The following USP34 variants were observed in gnomAD, a reference collection of about 807,000 sequenced individuals.
The protein encoded by USP34 is ubiquitin specific peptidase 34.
In USP34, 70 loss-of-function variants were observed where a neutral mutation model predicts 460.3. That is an observed-to-expected ratio of 0.15 (90% CI 0.13 to 0.19). The LOEUF is 0.19. Ranked by LOEUF, USP34 falls within the 10% of genes least tolerant of loss-of-function variation. USP34 has a pLI of 1.00. For synonymous variants in USP34, 1,647 were observed against 1,405.3 expected (o/e 1.17, Z -3.85); for missense variants, 3,985 against 4,236.2 (o/e 0.94, Z 1.65).
At chr2:61,345,433 C>T (rs1253849898) in intron 15 of USP34, among the ~76,000 whole-genome samples, 1 of 152,150 alleles carries the variant, frequency 6.6e-6, no homozygotes, top group African/African-American at 2.4e-5. Flanking sequence ...TAATTGCATT[C>T]TGGAAGATCT....
chr2:61,192,568 G>C (rs750106992), intron 76 of USP34, among the ~76,000 whole-genome samples: 1 of 152,238 alleles, frequency 6.6e-6, no homozygotes, highest in African/African-American at 2.4e-5. Context: ...AGGTGAAGGA[G>C]AGGAAGAAGT....
chr2:61,365,256 T>TAC (rs34689463), intron 10 of USP34, among the ~76,000 whole-genome samples: 6,042 of 142,366 alleles, frequency 0.042, 140 homozygotes, highest in East Asian at 0.093. Flanking sequence ...CATTTCAAAA[T>TAC]ACACACACAC....
chr2:61,194,720 C>T (rs1686745467), intron 75 of USP34, among the ~76,000 whole-genome samples: 1 of 152,192 alleles, frequency 6.6e-6, no homozygotes, highest in African/African-American at 2.4e-5. Context: ...CTTTGGGAGG[C>T]CAAGGTGGGC....
chr2:61,188,765 A>AG lies in USP34; in HGVS notation c.10034-57dup, dbSNP rs534624755. On this transcript the variant is annotated intron_variant, in intron 79 of 79. Transcript: ENST00000398571. Reference sequence around the variant, plus strand: ...CTCTGAAAGTCATTAAGATCACGTTAGGGGGGGATGTGGGAAGTTAATTTT... The same window carrying AG: ...CTCTGAAAGTCATTAAGATCACGTTAGGGGGGGGATGTGGGAAGTTAATTTT... 4,122 of 1,576,240 alleles carry AG rather than the reference A, an allele frequency of 2.6e-3. 5 individuals are homozygous for AG. Among genetic ancestry groups the AG allele is most frequent in the Non-Finnish European group, 3.1e-3 (3,545 of 1,161,328 alleles).
At chr2:61,409,260 G>C (rs954011291) in intron 2 of USP34, among the ~76,000 whole-genome samples, 6 of 151,694 alleles carry the variant, frequency 4.0e-5, no homozygotes, top group African/African-American at 1.5e-4. Context: ...CAAAGTAAGA[G>C]GTCAGGCCGG....
intron 1 of USP34, among the ~76,000 whole-genome samples, chr2:61,451,397 A>T (rs556503794): frequency 1.5e-4 from 23 of 151,332 alleles, no homozygotes; most frequent in Non-Finnish European, 3.0e-4. Flanking sequence ...TACAAGACAG[A>T]CATGGTGCTG....
chr2:61,284,287 A>AATC (rs1417350421), intron 35 of USP34, among the ~76,000 whole-genome samples: 3 of 152,218 alleles, frequency 2.0e-5, no homozygotes, highest in Non-Finnish European at 4.4e-5. Context: ...ACATAATCTG[A>AATC]ATCTAATCAT....
intron 41 of USP34, among the ~76,000 whole-genome samples, chr2:61,275,357 C>T (rs1049953913): frequency 4.6e-5 from 7 of 152,146 alleles, no homozygotes; most frequent in Admixed American, 1.3e-4. Context: ...TGGCTCACAT[C>T]GGTAATCCCA....
intron 2 of USP34, among the ~76,000 whole-genome samples, chr2:61,407,772 C>CA (rs1280605471): frequency 6.6e-6 from 1 of 152,152 alleles, no homozygotes; most frequent in African/African-American, 2.4e-5. Context: ...AACACTCAAG[C>CA]AGCCTAAAGA....
intron 6 of USP34, among the ~76,000 whole-genome samples, chr2:61,381,424 G>C (rs888838198): frequency 2.6e-5 from 4 of 151,816 alleles, no homozygotes; most frequent in East Asian, 1.9e-4. Flanking sequence ...CTGCAGCCTC[G>C]ACCTCCTGGG....
chr2:61,413,437 TGGCTC>T (rs1694103142), intron 2 of USP34, among the ~76,000 whole-genome samples: 1 of 141,364 alleles, frequency 7.1e-6, no homozygotes. Context: ...GCCGAGTGAG[TGGCTC>T]ACGCCTGTAA....
rs566421133 is a variant in USP34, at chr2:61,231,301, G to T, written c.7113+1151C>A. 1.5e-4 allele frequency among the ~76,000 whole-genome samples: 23 copies of T among 151,850 alleles called. No individual in the cohort carries two copies. The South Asian group carries it at 4.8e-3, about 32-fold the overall frequency. Reference sequence around the variant, plus strand: ...GTATAGGGTTTTTTTTTGGTGGGGGGTGGGGGTGGCAAATGTTCCAAAATT... The same window carrying T: ...GTATAGGGTTTTTTTTTGGTGGGGGTTGGGGGTGGCAAATGTTCCAAAATT... On this transcript the variant is annotated intron_variant, in intron 58 of 79. Transcript: ENST00000398571.
intron 5 of USP34, among the ~76,000 whole-genome samples, chr2:61,383,841 A>G (rs540514135): frequency 6.6e-6 from 1 of 152,298 alleles, no homozygotes; most frequent in East Asian, 1.9e-4. Flanking sequence ...CAGGAAATTT[A>G]ACCTATATAT....
chr2:61,348,582 G>A, intron 14 of USP34, 102 bp from the exon 15 acceptor site: 1 of 1,469,600 alleles, frequency 6.8e-7, no homozygotes, highest in Admixed American at 2.3e-5. Context: ...TGCCAGTCTT[G>A]TTATACTCCT....
chr2:61,397,260 T>G (rs1056064282), intron 3 of USP34, among the ~76,000 whole-genome samples: 1 of 151,338 alleles, frequency 6.6e-6, no homozygotes, highest in Non-Finnish European at 1.5e-5. Flanking sequence ...CTGGCCAACA[T>G]ACTGAAACCC....
intron 41 of USP34, among the ~76,000 whole-genome samples, chr2:61,276,298 A>G (rs1689370458): frequency 6.6e-6 from 1 of 152,126 alleles, no homozygotes; most frequent in Non-Finnish European, 1.5e-5. Context: ...AAATAATGGG[A>G]CAAGTATGCA....
intron 5 of USP34, among the ~76,000 whole-genome samples, chr2:61,384,385 T>C (rs1475801158): frequency 1.3e-5 from 2 of 152,050 alleles, no homozygotes; most frequent in African/African-American, 4.8e-5. Flanking sequence ...AATTAAAAAA[T>C]CTGGACAGGC....
At chr2:61,370,956 A>G (rs1321742419) in intron 8 of USP34, among the ~76,000 whole-genome samples, 1 of 152,212 alleles carries the variant, frequency 6.6e-6, no homozygotes. Context: ...TAATGAGATA[A>G]TATCAGGAAA....
intron 53 of USP34, among the ~76,000 whole-genome samples, chr2:61,238,382 C>G (rs920076964): frequency 6.6e-6 from 1 of 152,152 alleles, no homozygotes; most frequent in African/African-American, 2.4e-5. Context: ...TACCTCTTCT[C>G]TAACTCTCAA....
Sources: allele counts gnomAD v4.1 joint callset (sites outside exome capture counted in the v4.1 genomes callset), GRCh38; gene constraint gnomAD v4.1.1; transcripts MANE v1.5; gene names NCBI Gene and HGNC (gene_info 2026-07-23, HGNC 2026-07-21).